MAGI2: variants seen among roughly 807,000 people sequenced by gnomAD.
MAGI2 encodes the protein membrane associated guanylate kinase, WW and PDZ domain containing 2, also known as membrane-associated guanylate kinase, WW and PDZ domain-containing protein 2.
In MAGI2, 35 loss-of-function variants were observed where a neutral mutation model predicts 133.3. The ratio of observed to expected loss-of-function variants is 0.26; its 90% CI spans 0.20 to 0.35. MAGI2 has a LOEUF of 0.35. Among genes scored for constraint, MAGI2 ranks in the 10% least tolerant of loss-of-function variants. The pLI is 1.00. For synonymous variants in MAGI2, 729 were observed against 710.6 expected (o/e 1.03, Z -0.41); for missense variants, 1,636 against 1,863.4 (o/e 0.88, Z 2.25).
intron 21 of MAGI2, among the ~76,000 whole-genome samples, chr7:78,076,008 T>G (rs1196869759): frequency 2.0e-5 from 3 of 152,210 alleles, no homozygotes; most frequent in Non-Finnish European, 4.4e-5. Context: ...TCTAAAGTTT[T>G]TACAGTCAAA....
intron 2 of MAGI2, among the ~76,000 whole-genome samples, chr7:78,943,358 A>G (rs953806213): frequency 6.6e-5 from 10 of 152,164 alleles, no homozygotes; most frequent in Non-Finnish European, 1.2e-4. Context: ...TATGGGTTAT[A>G]CTTTCACAAC....
intron 1 of MAGI2, among the ~76,000 whole-genome samples, chr7:79,045,822 T>C (rs188568583): frequency 6.6e-6 from 1 of 152,006 alleles, no homozygotes; most frequent in East Asian, 1.9e-4. Flanking sequence ...AAGAAAGGGA[T>C]GGATGTGGCA....
intron 2 of MAGI2, among the ~76,000 whole-genome samples, chr7:78,746,518 C>G (rs900869897): frequency 1.4e-4 from 21 of 152,124 alleles, no homozygotes; most frequent in African/African-American, 4.1e-4. Context: ...AAATCTGATG[C>G]CAAAGAATGT....
intron 2 of MAGI2, among the ~76,000 whole-genome samples, chr7:78,906,395 A>G (rs1797994556): frequency 6.6e-6 from 1 of 152,170 alleles, no homozygotes; most frequent in South Asian, 2.1e-4. Flanking sequence ...GGGGTTTGCA[A>G]TAGGTAGTTG....
chr7:79,308,101 G>A (rs1395923013), intron 1 of MAGI2, among the ~76,000 whole-genome samples: 1 of 152,090 alleles, frequency 6.6e-6, no homozygotes, highest in Non-Finnish European at 1.5e-5. Flanking sequence ...GATGGCATGT[G>A]AAATAAAATT....
At chr7:78,514,399 T>C (rs1328035089) in intron 4 of MAGI2, among the ~76,000 whole-genome samples, 1 of 152,134 alleles carries the variant, frequency 6.6e-6, no homozygotes, top group East Asian at 1.9e-4. Flanking sequence ...GTTATAACTT[T>C]CAAATAATTC....
chr7:78,049,339 A>T (rs887612310), intron 21 of MAGI2, among the ~76,000 whole-genome samples: 2 of 152,242 alleles, frequency 1.3e-5, no homozygotes, highest in African/African-American at 4.8e-5. Context: ...AAAGATGAGG[A>T]ATAAGAGGAG....
At chr7:78,877,280 T>C (rs1385422359) in intron 2 of MAGI2, among the ~76,000 whole-genome samples, 6 of 152,248 alleles carry the variant, frequency 3.9e-5, no homozygotes, top group African/African-American at 1.4e-4. Context: ...ACTGTACTTA[T>C]CTGCTAGACG....
intron 2 of MAGI2, among the ~76,000 whole-genome samples, chr7:78,969,323 A>T (rs1162911007): frequency 6.6e-6 from 1 of 152,018 alleles, no homozygotes; most frequent in Non-Finnish European, 1.5e-5. Flanking sequence ...TACTAAATCG[A>T]TAGCGTTCCG....
intron 6 of MAGI2, among the ~76,000 whole-genome samples, chr7:78,469,879 AT>A (rs1791015564): frequency 1.3e-5 from 2 of 152,166 alleles, no homozygotes; most frequent in South Asian, 4.2e-4. Context: ...TCCTTTCTTT[AT>A]TTTTGCGTGC....
chr7:78,474,421 A>G (rs1791536964), intron 6 of MAGI2, among the ~76,000 whole-genome samples: 1 of 152,034 alleles, frequency 6.6e-6, no homozygotes, highest in African/African-American at 2.4e-5. Context: ...GTAATTTCAA[A>G]ACCATGCTGC....
At chr7:78,784,335 C>G (rs1158260429) in intron 2 of MAGI2, among the ~76,000 whole-genome samples, 2 of 152,076 alleles carry the variant, frequency 1.3e-5, no homozygotes, top group Admixed American at 6.6e-5. Context: ...CAGGGCCTCT[C>G]TGACCTTCTC....
chr7:78,024,291 C>A (rs1253188775), intron 21 of MAGI2, among the ~76,000 whole-genome samples: 4 of 152,190 alleles, frequency 2.6e-5, no homozygotes, highest in African/African-American at 9.7e-5. Context: ...TAGGTGTTTT[C>A]ATTATTCATG....
At chr7:78,737,639 T>G (rs1308189285) in intron 2 of MAGI2, among the ~76,000 whole-genome samples, 1 of 152,192 alleles carries the variant, frequency 6.6e-6, no homozygotes, top group East Asian at 1.9e-4. Flanking sequence ...CCAGCTGTCT[T>G]CTATGAAGCC....
At chr7:78,117,962 A>C (rs983011913) in intron 20 of MAGI2, among the ~76,000 whole-genome samples, 1 of 152,236 alleles carries the variant, frequency 6.6e-6, no homozygotes, top group African/African-American at 2.4e-5. Context: ...ACTTACTATA[A>C]AGCCACAGTA....
At chr7:78,692,127 G>T (rs975650537) in intron 2 of MAGI2, among the ~76,000 whole-genome samples, 2 of 152,172 alleles carry the variant, frequency 1.3e-5, no homozygotes, top group Admixed American at 1.3e-4. Context: ...GAAAGTTAAA[G>T]ATTTGTATTA....
chr7:78,134,054 G>A (rs1821843489), intron 17 of MAGI2: 1 of 152,110 alleles, frequency 6.6e-6, no homozygotes, highest in Admixed American at 6.5e-5. Flanking sequence ...AGGATAGTTG[G>A]CAGCATCCCT....
chr7:78,575,929 T>C (rs1297713018), intron 3 of MAGI2, among the ~76,000 whole-genome samples: 3 of 152,148 alleles, frequency 2.0e-5, no homozygotes, highest in Non-Finnish European at 4.4e-5. Context: ...TTAATAATAA[T>C]ATATCAACAT....
At chr7:79,000,291 T>G (rs1383638563) in intron 2 of MAGI2, 1 of 152,222 alleles carries the variant, frequency 6.6e-6, no homozygotes, top group East Asian at 1.9e-4. Flanking sequence ...CAGGTTGATG[T>G]CACTCTCCCT....
Sources: allele counts gnomAD v4.1 joint callset (sites outside exome capture counted in the v4.1 genomes callset), GRCh38; gene constraint gnomAD v4.1.1; transcripts MANE v1.5; gene names NCBI Gene and HGNC (gene_info 2026-07-23, HGNC 2026-07-21).